RAPGEF2: variants seen among roughly 807,000 people sequenced by gnomAD.
The protein encoded by RAPGEF2 is PDZ domain containing guanine nucleotide exchange factor (GEF) 1.
Under a neutral mutation model 186.7 loss-of-function variants are expected in RAPGEF2, and 54 were observed. The ratio of observed to expected loss-of-function variants is 0.29; its 90% CI spans 0.23 to 0.36. The LOEUF (loss-of-function observed/expected upper bound fraction) is 0.36. Ranked by LOEUF, RAPGEF2 falls within the 10% of genes least tolerant of loss-of-function variation. RAPGEF2 has a pLI of 1.00. For missense variants in RAPGEF2, 1,532 were observed against 2,045.0 expected (o/e 0.75, Z 4.84); for synonymous variants, 712 against 705.9 (o/e 1.01, Z -0.14).
chr4:159,334,765 G>A (rs1767166700), intron 17 of RAPGEF2, among the ~76,000 whole-genome samples: 1 of 152,182 alleles, frequency 6.6e-6, no homozygotes, highest in African/African-American at 2.4e-5. Context: ...TGTTCTATGT[G>A]TATTTAGAAA....
chr4:159,212,209 G>T (rs867902176), intron 4 of RAPGEF2, among the ~76,000 whole-genome samples: 2 of 152,140 alleles, frequency 1.3e-5, no homozygotes, highest in East Asian at 3.9e-4. Context: ...TTCTGTTTTC[G>T]GCAGGAATGT....
At chr4:159,141,652 T>C (rs35869905) in intron 1 of RAPGEF2, among the ~76,000 whole-genome samples, 28,318 of 151,962 alleles carry the variant, frequency 0.19, 2,672 homozygotes, top group Admixed American at 0.24. Context: ...TTGAGAAGCC[T>C]GTACCAGTTT....
intron 4 of RAPGEF2, among the ~76,000 whole-genome samples, chr4:159,225,466 G>A (rs1331982128): frequency 1.3e-5 from 2 of 152,164 alleles, no homozygotes; most frequent in Non-Finnish European, 2.9e-5. Flanking sequence ...TGTTTGTGTG[G>A]GTGTATGCTT....
Position 159,198,298 on chromosome 4 carries a change from CT to C in RAPGEF2, c.197+5045del. On this transcript the variant is annotated intron_variant, in intron 3 of 29. Coordinates refer to ENST00000691494, the MANE Select transcript of RAPGEF2 (RefSeq NM_001394067.2). ...TCTTTCTTTCTTTCTTTCTTTCTTT[CT>C]TTCTTTCTTTCTTTCTTTCTTTCTT... is the stretch of plus-strand genomic sequence containing the variant. Among the ~76,000 whole-genome samples, 2 of 56,900 alleles carry C rather than the reference CT, an allele frequency of 3.5e-5. 1 individual carries two copies. Among genetic ancestry groups the C allele is most frequent in the Non-Finnish European group, 6.4e-5 (2 of 31,080 alleles). The allele number at this position is 56,900 out of a possible 152,430, so 37.3% of individuals were successfully genotyped here.
intron 7 of RAPGEF2, chr4:159,268,322 G>A: frequency 4.3e-6 from 4 of 928,754 alleles, no homozygotes; most frequent in Non-Finnish European, 6.8e-6. Flanking sequence ...TTTGTAGAAG[G>A]TATAGTAGTC....
intron 14 of RAPGEF2, 46 bp downstream of exon 14, chr4:159,331,584 T>G: frequency 1.2e-6 from 2 of 1,611,104 alleles, no homozygotes; most frequent in Non-Finnish European, 1.7e-6. Context: ...GTTCATTTTA[T>G]TCAGCCTGTT....
chr4:159,275,054 C>CAT (rs1491129353), intron 7 of RAPGEF2, among the ~76,000 whole-genome samples: 1 of 143,868 alleles, frequency 7.0e-6, no homozygotes, highest in Admixed American at 6.9e-5. Flanking sequence ...CTCTGTCTCT[C>CAT]GTGTGTGTGT....
chr4:159,357,112 C>A (rs1732143607), intron 29 of RAPGEF2, among the ~76,000 whole-genome samples: 1 of 152,194 alleles, frequency 6.6e-6, no homozygotes, highest in Non-Finnish European at 1.5e-5. Flanking sequence ...GTAATCCCAG[C>A]ACTTTGGGAG....
At chr4:159,120,325 A>T (rs1739525588) in intron 1 of RAPGEF2, among the ~76,000 whole-genome samples, 1 of 127,138 alleles carries the variant, frequency 7.9e-6, no homozygotes, top group Non-Finnish European at 1.7e-5. Flanking sequence ...CAGCCAAATC[A>T]TCACTTCTTA....
At chr4:159,146,381 G>A (rs1230717347) in intron 1 of RAPGEF2, among the ~76,000 whole-genome samples, 1 of 148,630 alleles carries the variant, frequency 6.7e-6, no homozygotes, top group Non-Finnish European at 1.5e-5. Flanking sequence ...TTTTCTTTTG[G>A]TGCATTGTAG....
intron 7 of RAPGEF2, among the ~76,000 whole-genome samples, chr4:159,259,697 A>G (rs1756578934): frequency 6.6e-6 from 1 of 152,154 alleles, no homozygotes; most frequent in Non-Finnish European, 1.5e-5. Context: ...GTTGTCTAAA[A>G]TTATTCATAG....
rs1268869695 is a variant in RAPGEF2 at position 159,355,967 on chromosome 4, A to C, written c.4766A>C (p.Tyr1589Ser). 6.2e-7 allele frequency: 1 copy of C among 1,611,218 alleles called. No homozygotes were observed. Among genetic ancestry groups the C allele is most frequent in the Non-Finnish European group, 8.5e-7 (1 of 1,179,206 alleles). ...HSHPARKPPD[Y>S]NVALQRSRMV... ...CATCCAGCCAGGAAACCGCCGGACT[A>C]CAACGTGGCCCTTCAGAGATCGCGG... Residue 1589 changes from tyrosine to serine, a missense_variant, in exon 29 of 30, where the codon TAC (tyrosine) becomes TCC (serine). By Grantham distance (144) the Tyr-to-Ser change is moderately radical (BLOSUM62 -2). Coordinates refer to ENST00000691494, the MANE Select transcript of RAPGEF2 (RefSeq NM_001394067.2).
At position 159,350,168 on chromosome 4, in the gene RAPGEF2, T is replaced by C; in HGVS notation, c.3744T>C (p.Ile1248=). ...GINSPQALKK[I]LSLSEEGSLE... is the part of the protein sequence containing the mutation. The stretch of plus-strand genomic sequence containing the variant: ...ACTCTCCACAAGCTTTAAAAAAAAT[T>C]CTTTCTTTGTCTGAAGAAGGAAGTT... Residue 1248 remains isoleucine (I), a synonymous_variant, in exon 26 of 30, where the codon ATT becomes ATC. Transcript: ENST00000691494. The C allele has an allele frequency of 6.3e-7, 1 of 1,575,800 alleles. No individual in the cohort carries two copies. Among genetic ancestry groups the C allele is most frequent in the Admixed American group, 1.8e-5 (1 of 55,668 alleles).
chr4:159,205,951 CAG>C (rs1749931838), intron 3 of RAPGEF2, among the ~76,000 whole-genome samples: 1 of 150,244 alleles, frequency 6.7e-6, no homozygotes, highest in Non-Finnish European at 1.5e-5. Context: ...TTTTTTGAGA[CAG>C]AGTGTCGCCC....
intron 7 of RAPGEF2, among the ~76,000 whole-genome samples, chr4:159,254,600 CTTTT>C (rs34644510): frequency 8.0e-6 from 1 of 124,582 alleles, no homozygotes; most frequent in Admixed American, 8.4e-5. Context: ...TACAGCATGA[CTTTT>C]TTTTTTTTTT....
intron 7 of RAPGEF2, among the ~76,000 whole-genome samples, chr4:159,290,183 T>G (rs902568903): frequency 1.3e-5 from 2 of 152,186 alleles, no homozygotes; most frequent in African/African-American, 4.8e-5. Flanking sequence ...TATTTGTAAA[T>G]CCCCTCTCAG....
intron 7 of RAPGEF2, among the ~76,000 whole-genome samples, chr4:159,273,337 G>A (rs1281021108): frequency 6.6e-6 from 1 of 152,210 alleles, no homozygotes; most frequent in African/African-American, 2.4e-5. Flanking sequence ...GTGAAGAAAT[G>A]TATTTAGAAA....
chr4:159,247,493 T>G (rs1754779467), intron 7 of RAPGEF2, among the ~76,000 whole-genome samples: 1 of 152,238 alleles, frequency 6.6e-6, no homozygotes, highest in Non-Finnish European at 1.5e-5. Flanking sequence ...AAAGCCATGT[T>G]GAAAGTTGAA....
At chr4:159,304,262 TATG>T in intron 7 of RAPGEF2, 77 bp from the exon 8 acceptor site, 2 of 1,321,850 alleles carry the variant, frequency 1.5e-6, no homozygotes, top group Non-Finnish European at 2.1e-6. Context: ...TAGAATAAAA[TATG>T]ATATTTTAAT....
Sources: allele counts gnomAD v4.1 joint callset (sites outside exome capture counted in the v4.1 genomes callset), GRCh38; gene constraint gnomAD v4.1.1; transcripts MANE v1.5; gene names NCBI Gene and HGNC (gene_info 2026-07-23, HGNC 2026-07-21).